Variants in DSE observed in about 807,000 individuals in gnomAD.
The protein encoded by DSE is dermatan sulfate epimerase, also known as dermatan-sulfate epimerase.
DSE carries 36 observed loss-of-function variants against 84.4 expected under a neutral mutation model. The observed-to-expected ratio is 0.43, with a 90% confidence interval of 0.33 to 0.56. DSE has a LOEUF of 0.56. DSE is among the 20% of genes least tolerant of loss of function. DSE has a pLI of 0.06. For missense variants in DSE, 862 were observed against 1,169.6 expected (o/e 0.74, Z 3.84); for synonymous variants, 410 against 430.1 (o/e 0.95, Z 0.58).
At chr6:116,403,128 C>T (rs558144) in intron 2 of DSE, among the ~76,000 whole-genome samples, 123,346 of 152,024 alleles carry the variant, frequency 0.81, 51,030 homozygotes, top group African/African-American at 0.95. Context: ...ATCCAGACGA[C>T]TGGGCACCGC....
intron 2 of DSE, among the ~76,000 whole-genome samples, chr6:116,305,032 C>G (rs984477136): frequency 1.3e-5 from 2 of 152,156 alleles, no homozygotes; most frequent in African/African-American, 4.8e-5. Flanking sequence ...AAAATCAAAA[C>G]TGGTCATCTC....
chr6:116,435,470 A>G, intron 5 of DSE, 117 bp from the exon 6 acceptor site: 2 of 1,004,720 alleles, frequency 2.0e-6, no homozygotes, highest in Non-Finnish European at 2.9e-6. Context: ...TCCCTAATAT[A>G]CTCTGCACTG....
At chr6:116,359,560 A>C (rs1778770673) in intron 2 of DSE, among the ~76,000 whole-genome samples, 1 of 152,198 alleles carries the variant, frequency 6.6e-6, no homozygotes, top group East Asian at 1.9e-4. Flanking sequence ...TATTAGTAAA[A>C]TTCAGAAGCT....
rs1305853215 is a variant in DSE, at chr6:116,443,473, G to A, written c.*6128G>A. 2.0e-5 allele frequency: 3 copies of A among 152,180 alleles called. No homozygotes were observed. Among genetic ancestry groups the A allele is most frequent in the African/African-American group, 4.8e-5 (2 of 41,420 alleles). 9.4% of individuals were successfully genotyped at this position (152,180 alleles called of 1,614,324 possible). On this transcript the variant is annotated 3_prime_UTR_variant, in exon 6 of 6. Coordinates refer to ENST00000644252, the MANE Select transcript of DSE (RefSeq NM_013352.4). ...GAGTACAGGGTGTGTATGTAGTGGC[G>A]GGTGATAGAAAATTAGACTGGAAAA...
intron 2 of DSE, chr6:116,280,101 T>C (rs774630029): frequency 3.7e-6 from 2 of 539,412 alleles, no homozygotes; most frequent in East Asian, 3.6e-5. Flanking sequence ...TAAATGTCGA[T>C]TGTGCTGAGT....
chr6:116,324,422 T>C (rs558251812), intron 2 of DSE, among the ~76,000 whole-genome samples: 1 of 152,296 alleles, frequency 6.6e-6, no homozygotes, highest in South Asian at 2.1e-4. Context: ...AGAATATGAG[T>C]TTGGAAGTCA....
intron 1 of DSE, among the ~76,000 whole-genome samples, chr6:116,380,579 G>A (rs1270693358): frequency 2.0e-5 from 3 of 152,160 alleles, no homozygotes; most frequent in African/African-American, 7.2e-5. Flanking sequence ...AGGTCAAGGA[G>A]AACTTCAGGG....
intron 2 of DSE, among the ~76,000 whole-genome samples, chr6:116,285,305 G>A (rs1001370859): frequency 4.6e-5 from 7 of 152,206 alleles, no homozygotes; most frequent in Admixed American, 2.0e-4. Context: ...TCTGTAGGCT[G>A]TATAAATGTC....
upstream of DSE, among the ~76,000 whole-genome samples, chr6:116,368,945 G>GGA (rs1779334130): frequency 6.6e-6 from 1 of 150,518 alleles, no homozygotes; most frequent in Non-Finnish European, 1.5e-5. Context: ...CGGGGGGACG[G>GGA]GGGGGGCTTT....
At chr6:116,380,167 C>G (rs1312579855) in intron 1 of DSE, among the ~76,000 whole-genome samples, 2 of 151,868 alleles carry the variant, frequency 1.3e-5, no homozygotes, top group African/African-American at 4.8e-5. Flanking sequence ...CTTGGAGAGT[C>G]AGATGAAAGG....
upstream of DSE, among the ~76,000 whole-genome samples, chr6:116,369,149 A>C (rs2114905945): frequency 6.6e-6 from 1 of 152,300 alleles, no homozygotes; most frequent in East Asian, 1.9e-4. Flanking sequence ...CCCTAACCTC[A>C]GAGATTCTGA....
chr6:116,427,986 C>T (rs1050840417), intron 3 of DSE, among the ~76,000 whole-genome samples: 1 of 152,254 alleles, frequency 6.6e-6, no homozygotes, highest in East Asian at 1.9e-4. Flanking sequence ...GACAGGAGTT[C>T]GAGGCCAGCC....
At chr6:116,405,109 G>C (rs1781837459) in intron 2 of DSE, among the ~76,000 whole-genome samples, 1 of 151,764 alleles carries the variant, frequency 6.6e-6, no homozygotes, top group Non-Finnish European at 1.5e-5. Flanking sequence ...TATAAAGAGA[G>C]AAAAAAGGTC....
chr6:116,305,668 G>A (rs542827406), intron 2 of DSE, among the ~76,000 whole-genome samples: 1 of 151,744 alleles, frequency 6.6e-6, no homozygotes, highest in Non-Finnish European at 1.5e-5. Flanking sequence ...TTGGAGTTTC[G>A]CTCTTGTTGC....
chr6:116,405,351 T>C (rs1021153509), intron 2 of DSE, among the ~76,000 whole-genome samples: 1 of 152,188 alleles, frequency 6.6e-6, no homozygotes, highest in Admixed American at 6.5e-5. Flanking sequence ...TCAGGTTTTC[T>C]TCTCATGACC....
intron 2 of DSE, chr6:116,278,922 G>A: frequency 6.2e-7 from 1 of 1,614,136 alleles, no homozygotes; most frequent in Non-Finnish European, 8.5e-7. Context: ...AATTGGTTAT[G>A]TACCTTAACA....
chr6:116,269,265 C>T (rs1647243231), intron 2 of DSE, among the ~76,000 whole-genome samples: 1 of 152,136 alleles, frequency 6.6e-6, no homozygotes, highest in Non-Finnish European at 1.5e-5. Flanking sequence ...TATAATAAAA[C>T]AACTTACAGA....
chr6:116,292,467 G>C (rs1474582403), intron 2 of DSE, among the ~76,000 whole-genome samples: 1 of 152,144 alleles, frequency 6.6e-6, no homozygotes, highest in Non-Finnish European at 1.5e-5. Flanking sequence ...AAAAATTGCA[G>C]AGTTGAAAAA....
At chr6:116,275,828 A>G (rs563317623) in intron 2 of DSE, among the ~76,000 whole-genome samples, 140 of 151,946 alleles carry the variant, frequency 9.2e-4, no homozygotes, top group African/African-American at 3.0e-3. Flanking sequence ...GCTAGATGCA[A>G]TGAACCATGT....
Sources: allele counts gnomAD v4.1 joint callset (sites outside exome capture counted in the v4.1 genomes callset), GRCh38; gene constraint gnomAD v4.1.1; transcripts MANE v1.5; gene names NCBI Gene and HGNC (gene_info 2026-07-23, HGNC 2026-07-21).